MYBL2: variants seen among roughly 807,000 people sequenced by gnomAD.
MYBL2 encodes the protein myb-related protein B.
A neutral mutation model predicts 79.9 loss-of-function variants in MYBL2; 28 were observed. The ratio of observed to expected loss-of-function variants is 0.35; its 90% CI spans 0.26 to 0.48. MYBL2 has a LOEUF of 0.48. Among genes scored for constraint, MYBL2 ranks in the 20% least tolerant of loss-of-function variants. The pLI is 0.99. For synonymous variants in MYBL2, 378 were observed against 361.2 expected, an observed-to-expected ratio of 1.05 and a Z score of -0.53; for missense variants, 735 against 893.9, an observed-to-expected ratio of 0.82 and a Z score of 2.27.
At chr20:43,706,414 C>G (rs1008954842) in intron 9 of MYBL2, among the ~76,000 whole-genome samples, 1 of 152,132 alleles carries the variant, frequency 6.6e-6, no homozygotes, top group African/African-American at 2.4e-5. Flanking sequence ...CATCATGATT[C>G]TAAATTCCAG....
chr20:43,699,712 CTA>C (rs1987636285), intron 6 of MYBL2, 43 bp from the exon 7 acceptor site: 1 of 1,600,222 alleles, frequency 6.2e-7, no homozygotes, highest in African/African-American at 1.3e-5. Flanking sequence ...ACTATATAGT[CTA>C]TATCTCAGCG....
intron 2 of MYBL2, 93 bp from the exon 3 acceptor site, chr20:43,681,691 G>T: frequency 7.8e-7 from 1 of 1,274,020 alleles, no homozygotes; most frequent in Non-Finnish European, 1.1e-6. Flanking sequence ...ATGGATGAAC[G>T]AGGCTGTTCT....
intron 4 of MYBL2, among the ~76,000 whole-genome samples, chr20:43,683,518 T>TTATGAGAA (rs1173896721): frequency 1.3e-5 from 2 of 151,692 alleles, no homozygotes; most frequent in Non-Finnish European, 2.9e-5. Context: ...CAGGCATGGC[T>TTATGAGAA]TATGAGAAAG....
chr20:43,669,310 G>C (rs1207185755), intron 1 of MYBL2, among the ~76,000 whole-genome samples: 4 of 152,292 alleles, frequency 2.6e-5, no homozygotes, highest in Admixed American at 2.6e-4. Context: ...GCGCCATCCT[G>C]ATTTTTTGTT....
At position 43,716,062 on chromosome 20, in the gene MYBL2, C is replaced by T. The variant is rs752174663; in HGVS notation, c.2078C>T (p.Thr693Ile). Residue 693 changes from threonine (T) to isoleucine (I), a missense_variant, in exon 14 of 14, where the codon ACA becomes ATA. This residue lies in a region of MYBL2 where 204 missense variants were observed against 202.9 expected (regional missense o/e 1.01). Transcript: ENST00000217026. Reference sequence around the variant, plus strand: ...CTGGGCCGCCTGAAGCCCAGCCACACATCTCGGACCCTCATCTTGTCCTGA... The same window carrying T: ...CTGGGCCGCCTGAAGCCCAGCCACATATCTCGGACCCTCATCTTGTCCTGA... ...QLLGRLKPSH[T>I]SRTLILS The T allele has an allele frequency of 6.2e-7, 1 of 1,609,332 alleles. No homozygotes were observed. The highest frequency in any genetic ancestry group is 1.1e-5 in the South Asian group (1 of 90,994).
At chr20:43,693,072 G>T (rs1231306211) in intron 6 of MYBL2, among the ~76,000 whole-genome samples, 2 of 152,034 alleles carry the variant, frequency 1.3e-5, no homozygotes, top group African/African-American at 2.4e-5. Context: ...TTGCTCTGAT[G>T]CCCAGGCTGG....
At chr20:43,712,556 G>A (rs1034796560) in intron 11 of MYBL2, among the ~76,000 whole-genome samples, 4 of 152,152 alleles carry the variant, frequency 2.6e-5, no homozygotes, top group Non-Finnish European at 4.4e-5. Context: ...TGCACGGTTA[G>A]GAATGGGGCG....
rs139597826 is a variant in MYBL2, at chr20:43,705,210, C to G, written c.1366-9C>G. 449 of 1,613,378 alleles carry G rather than the reference C, an allele frequency of 2.8e-4. 3 individuals carry two copies. In the African/African-American group the frequency reaches 5.5e-3, roughly 20 times the overall value. ...CATTTTGTCTTGTTCCCTCTCTCTTCTTTGGCAGTTTCTGAACTTCTGGAA... is the reference window on the plus strand; with the variant it reads ...CATTTTGTCTTGTTCCCTCTCTCTTGTTTGGCAGTTTCTGAACTTCTGGAA... On this transcript the variant is annotated splice_polypyrimidine_tract_variant and intron_variant, in intron 8 of 13. Transcript: ENST00000217026.
At position 43,671,881 on chromosome 20, in the gene MYBL2, G is replaced by GT. The variant is rs979613123; in HGVS notation, c.21-1913dup. ...CCCAGAATTCAAAGCAGCTCGTACT[G>GT]TTTTTTTTTTTTCCCCTACAGCGGC... On this transcript the variant is annotated intron_variant, in intron 1 of 13. Transcript: ENST00000217026. Among the ~76,000 whole-genome samples the GT allele has an allele frequency of 5.3e-3, 765 of 144,392 alleles. 5 individuals are homozygous for GT. Among genetic ancestry groups the GT allele is most frequent in the East Asian group, 0.019 (93 of 4,902 alleles). The allele number at this position is 144,392 out of a possible 152,430, so 94.7% of individuals were successfully genotyped here.
chr20:43,694,317 G>A (rs1987480828), intron 6 of MYBL2, among the ~76,000 whole-genome samples: 2 of 152,046 alleles, frequency 1.3e-5, no homozygotes, highest in Admixed American at 1.3e-4. Context: ...GGGTGACAGA[G>A]TGAGACTCTG....
intron 5 of MYBL2, among the ~76,000 whole-genome samples, chr20:43,690,965 A>G (rs1167224563): frequency 6.6e-6 from 1 of 152,162 alleles, no homozygotes; most frequent in Non-Finnish European, 1.5e-5. Context: ...TGCCTTTATT[A>G]CTACATGTTT....
Position 43,686,956 on chromosome 20 carries a change from C to T in MYBL2, c.384C>T (p.His128=), listed in dbSNP as rs777102486. The T allele has an allele frequency of 6.2e-7, 1 of 1,614,100 alleles. No individual in the cohort carries two copies. Among genetic ancestry groups the T allele is most frequent in the Non-Finnish European group, 8.5e-7 (1 of 1,180,050 alleles). ...AGTGCCGTGAACGCTGGCACAACCA[C>T]CTCAACCCTGAGGTGAAGAAGTCTT... ...GKQCRERWHN[H]LNPEVKKSCW... is the part of the protein sequence containing the mutation. Residue 128 remains histidine (H), a synonymous_variant, in exon 5 of 14, where the codon CAC becomes CAT. Transcript: ENST00000217026.
intron 1 of MYBL2, among the ~76,000 whole-genome samples, chr20:43,671,909 T>A (rs1210827348): frequency 1.3e-5 from 2 of 151,680 alleles, no homozygotes; most frequent in Non-Finnish European, 2.9e-5. Context: ...ACAGCGGCGT[T>A]AGAAGATATT....
At chr20:43,674,228 C>CCT (rs983555288) in intron 2 of MYBL2, among the ~76,000 whole-genome samples, 3 of 111,820 alleles carry the variant, frequency 2.7e-5, no homozygotes, top group Non-Finnish European at 4.0e-5. Flanking sequence ...TGTAACTCCC[C>CCT]CCACCCTTTT....
At chr20:43,684,269 G>A (rs868534509) in intron 4 of MYBL2, among the ~76,000 whole-genome samples, 6 of 147,674 alleles carry the variant, frequency 4.1e-5, no homozygotes, top group South Asian at 4.3e-4. Flanking sequence ...ACTGAGTCTT[G>A]CTCTGTCGTC....
rs186037812 is a variant in MYBL2 at position 43,685,710 on chromosome 20, G to A, written c.280-1142G>A. On this transcript the variant is annotated intron_variant, in intron 4 of 13. Transcript: ENST00000217026. ...ACGGAGGTTGCAGTGAGCTGAGATC[G>A]CCCCACTGCACCCCAGCCTGGGCGA... Among the ~76,000 whole-genome samples the A allele has an allele frequency of 5.9e-4, 89 of 151,992 alleles. No homozygotes were observed. In the East Asian group the frequency reaches 0.015, roughly 26 times the overall value.
chr20:43,690,491 G>A (rs901712046), intron 5 of MYBL2, among the ~76,000 whole-genome samples: 1 of 151,996 alleles, frequency 6.6e-6, no homozygotes, highest in Non-Finnish European at 1.5e-5. Context: ...AGTAGAAGCC[G>A]TCGGCAGCAT....
chr20:43,716,190 C>T lies in MYBL2; in HGVS notation c.*103C>T. The T allele has an allele frequency of 6.5e-7, 1 of 1,545,972 alleles. No homozygotes were observed. ...CATTCAGGTGACCTCCTGCAGGGAGCCTTCTGCCACCAGCCCCTCCCCAGA... is the reference window on the plus strand; with the variant it reads ...CATTCAGGTGACCTCCTGCAGGGAGTCTTCTGCCACCAGCCCCTCCCCAGA... On this transcript the variant is annotated 3_prime_UTR_variant, in exon 14 of 14. Coordinates refer to ENST00000217026, the MANE Select transcript of MYBL2 (RefSeq NM_002466.4).
chr20:43,681,197 A>G (rs1486508039), intron 2 of MYBL2, among the ~76,000 whole-genome samples: 7 of 152,154 alleles, frequency 4.6e-5, no homozygotes. Context: ...TCCAGCTTCT[A>G]GTGCTGAATC....
Sources: allele counts gnomAD v4.1 joint callset (sites outside exome capture counted in the v4.1 genomes callset), GRCh38; gene constraint gnomAD v4.1.1; regional missense constraint gnomAD v4.1.1; transcripts MANE v1.5; gene names NCBI Gene and HGNC (gene_info 2026-07-23, HGNC 2026-07-21).